AHRR: variants seen among roughly 807,000 people sequenced by gnomAD.
The protein encoded by AHRR is ahR repressor.
Under a neutral mutation model 44.0 loss-of-function variants are expected in AHRR, and 28 were observed. The ratio of observed to expected loss-of-function variants is 0.64; its 90% confidence interval spans 0.47 to 0.87. The LOEUF is 0.87. Ranked by LOEUF, AHRR falls within the 40% of genes least tolerant of loss-of-function variation. The pLI, the probability that AHRR is intolerant of heterozygous loss-of-function variation, is 0.00. For missense variants in AHRR, 990 were observed against 953.9 expected, an observed-to-expected ratio of 1.04 and a Z score of -0.50; for synonymous variants, 434 against 407.0, an observed-to-expected ratio of 1.07 and a Z score of -0.80.
rs1735990008 is a variant in AHRR at position 419,883 on chromosome 5, G to C, written c.442-2846G>C. Among the ~76,000 whole-genome samples the C allele has an allele frequency of 6.6e-6, 1 of 152,206 alleles. No homozygotes were observed. Among genetic ancestry groups the C allele is most frequent in the South Asian group, 2.1e-4 (1 of 4,826 alleles). On this transcript the variant is annotated intron_variant, in intron 5 of 10. Transcript: ENST00000684583. This position sits in a 1 kb window ranked among gnomAD's most constrained non-coding sequence, Gnocchi z 4.4. ...CCTTGGTTTTGTGTTATGTGTGCCA[G>C]GGTGTAAAGTGGATTTTAAGATGTG... is the stretch of plus-strand genomic sequence containing the variant.
intron 5 of AHRR, chr5:421,374 C>G (rs1736109692): frequency 4.8e-6 from 3 of 622,626 alleles, no homozygotes; most frequent in African/African-American, 1.9e-5. Flanking sequence ...AGTCCGCGCA[C>G]AGTACCAGCC....
intron 4 of AHRR, among the ~76,000 whole-genome samples, chr5:389,852 A>G (rs1330474371): frequency 6.9e-6 from 1 of 144,458 alleles, no homozygotes; most frequent in African/African-American, 2.6e-5. Context: ...AGCTGGAGGG[A>G]ACAGAGATGC....
intron 1 of AHRR, among the ~76,000 whole-genome samples, chr5:330,761 T>C (rs1741881251): frequency 6.6e-6 from 1 of 152,144 alleles, no homozygotes. Context: ...CTGCGTGATA[T>C]GGGCCTTCTA....
chr5:387,832 A>G lies in AHRR; in HGVS notation c.351+11116A>G, dbSNP rs1037006025. 6.6e-6 allele frequency among the ~76,000 whole-genome samples: 1 copy of G among 152,232 alleles called. No homozygotes were observed. Among genetic ancestry groups the G allele is most frequent in the South Asian group, 2.1e-4 (1 of 4,834 alleles). On this transcript the variant is annotated intron_variant, in intron 4 of 10. Transcript: ENST00000684583. This position sits in a 1 kb window ranked among gnomAD's most constrained non-coding sequence, Gnocchi z 5.1. ...CTGTGTGGCTCGAACAACAGGGGTT[A>G]TTCTTCACAGCCTGGAGGCCAGGAG...
chr5:436,331 G>C lies in AHRR; in HGVS notation c.*1497G>C, dbSNP rs950010938. Reference sequence around the variant, plus strand: ...TGCCTCCTGTGTGGACGCCCTCTCTGTTGTCAGTGGCTTTGAGGTGTCAGT... The same window carrying C: ...TGCCTCCTGTGTGGACGCCCTCTCTCTTGTCAGTGGCTTTGAGGTGTCAGT... On this transcript the variant is annotated 3_prime_UTR_variant, in exon 11 of 11. Coordinates refer to ENST00000684583, the MANE Select transcript of AHRR (RefSeq NM_001377236.1). 6.6e-6 allele frequency: 1 copy of C among 152,560 alleles called. No homozygotes were observed. Among genetic ancestry groups the C allele is most frequent in the African/African-American group, 2.4e-5 (1 of 41,460 alleles). 9.5% of individuals were successfully genotyped at this position (152,560 alleles called of 1,614,324 possible).
chr5:389,443 C>A (rs1734311507), intron 4 of AHRR, among the ~76,000 whole-genome samples: 1 of 152,196 alleles, frequency 6.6e-6, no homozygotes, highest in Non-Finnish European at 1.5e-5. Context: ...CCACATTCAA[C>A]GCGAGGGAGC....
chr5:361,256 G>A (rs372223702), intron 3 of AHRR, among the ~76,000 whole-genome samples: 10 of 152,212 alleles, frequency 6.6e-5, no homozygotes, highest in Admixed American at 3.9e-4. Context: ...CAGAGAAAGT[G>A]TTCTGGACGG....
chr5:396,934 T>C, intron 4 of AHRR, among the ~76,000 whole-genome samples: 1 of 151,978 alleles, frequency 6.6e-6, no homozygotes, highest in East Asian at 1.9e-4. Context: ...CACACCGGCC[T>C]CTCTGTGACT....
chr5:374,921 G>A (rs1166373833), intron 3 of AHRR, among the ~76,000 whole-genome samples: 1 of 152,250 alleles, frequency 6.6e-6, no homozygotes, highest in Non-Finnish European at 1.5e-5. Flanking sequence ...GACCCCACCT[G>A]TGCTCACCAC....
At chr5:403,041 G>A (rs985902055) in intron 4 of AHRR, among the ~76,000 whole-genome samples, 4 of 151,266 alleles carry the variant, frequency 2.6e-5, no homozygotes, top group Non-Finnish European at 4.4e-5. Context: ...GGTGTGGGAG[G>A]GGGATAAAGA....
chr5:344,317 A>T (rs998756227), intron 2 of AHRR, among the ~76,000 whole-genome samples: 5 of 149,984 alleles, frequency 3.3e-5, no homozygotes, highest in Non-Finnish European at 7.4e-5. Context: ...CGAGACCGCC[A>T]CCCGCTGGGA....
At chr5:368,717 C>A (rs888088852) in intron 3 of AHRR, among the ~76,000 whole-genome samples, 1 of 152,240 alleles carries the variant, frequency 6.6e-6, no homozygotes, top group African/African-American at 2.4e-5. Flanking sequence ...GCAGAGCCCC[C>A]CTGAGGCCCC....
At chr5:329,294 G>A (rs1462222134) in intron 1 of AHRR, among the ~76,000 whole-genome samples, 1 of 152,072 alleles carries the variant, frequency 6.6e-6, no homozygotes, top group Non-Finnish European at 1.5e-5. Flanking sequence ...GAATTCCTGG[G>A]CCCAAGAGAT....
At chr5:412,794 C>T (rs1417331619) in intron 4 of AHRR, among the ~76,000 whole-genome samples, 1 of 149,488 alleles carries the variant, frequency 6.7e-6, no homozygotes, top group Non-Finnish European at 1.5e-5. Context: ...GACCTCGGCT[C>T]GCTGCAACCT....
At chr5:371,699 C>T (rs1743586282) in intron 3 of AHRR, among the ~76,000 whole-genome samples, 2 of 152,174 alleles carry the variant, frequency 1.3e-5, no homozygotes, top group Non-Finnish European at 1.5e-5. Context: ...CCTGTGGAAC[C>T]GACTCCCGTG....
At chr5:344,480 GCGGGGGGAGCTGTGTGTGTGTGGGTGT>G (rs1742509008) in intron 2 of AHRR, among the ~76,000 whole-genome samples, 2 of 8,804 alleles carry the variant, frequency 2.3e-4, no homozygotes, top group Non-Finnish European at 5.1e-4. Flanking sequence ...CTGTGTGTGC[GCGGGGGGAGCTGTGTGTGTGTGGGTGT>G]GTGTGTGTGA....
chr5:398,047 G>T (rs1224353537), intron 4 of AHRR, among the ~76,000 whole-genome samples: 32 of 129,128 alleles, frequency 2.5e-4, no homozygotes, highest in Non-Finnish European at 4.1e-4. Flanking sequence ...ATCCATGTTA[G>T]CCCCTGACCA....
intron 5 of AHRR, among the ~76,000 whole-genome samples, chr5:418,239 T>C (rs1735913542): frequency 6.6e-6 from 1 of 152,226 alleles, no homozygotes; most frequent in Admixed American, 6.5e-5. Context: ...GGTTTGTTTT[T>C]GTACGGTTTG....
rs1488759566 is a variant in AHRR, at chr5:433,048, A to T, written c.1112+101A>T. 2.9e-6 allele frequency: 4 copies of T among 1,359,280 alleles called. No homozygotes were observed. The Admixed American group carries it at 1.2e-4, about 40-fold the overall frequency. 84.2% of individuals were successfully genotyped at this position (1,359,280 alleles called of 1,614,324 possible). A position where few individuals can be genotyped will look rare whatever the true frequency, so the allele number is the denominator to read the frequency against. On this transcript the variant is annotated intron_variant, in intron 10 of 10. Transcript: ENST00000684583. The stretch of plus-strand genomic sequence containing the variant: ...GAGTGATTAAGAAGAAAAATAAAAA[A>T]GACGACAGCAGCCTTGGCCACCACA...
Sources: allele counts gnomAD v4.1 joint callset (sites outside exome capture counted in the v4.1 genomes callset), GRCh38; gene constraint gnomAD v4.1.1; non-coding constraint Gnocchi (gnomAD v3.1); transcripts MANE v1.5; gene names NCBI Gene and HGNC (gene_info 2026-07-23, HGNC 2026-07-21).